Variants in PRR16 observed in about 807,000 individuals in gnomAD.
PRR16 encodes the protein proline rich 16.
A neutral mutation model predicts 18.2 loss-of-function variants in PRR16; 6 were observed. The ratio of observed to expected loss-of-function variants is 0.33; its 90% CI spans 0.18 to 0.65. The LOEUF is 0.65. PRR16 is among the 30% of genes least tolerant of loss of function. The pLI, the probability that PRR16 is intolerant of heterozygous loss-of-function variation, is 0.74. For missense variants in PRR16, 412 were observed against 376.6 expected, an observed-to-expected ratio of 1.09 and a Z score of -0.78; for synonymous variants, 151 against 147.8, an observed-to-expected ratio of 1.02 and a Z score of -0.16.
At chr5:120,752,245 CAAG>C in the PRR16 span, among the ~76,000 whole-genome samples, 1 of 152,018 alleles carries the variant, frequency 6.6e-6, no homozygotes, top group Non-Finnish European at 1.5e-5. Context: ...GACCATTAGA[CAAG>C]AGAAGACCCA....
At chr5:120,685,863 A>C in intron 1 of PRR16, 91 bp from the exon 2 acceptor site, 1 of 1,314,592 alleles carries the variant, frequency 7.6e-7, no homozygotes, top group Non-Finnish European at 1.0e-6. Flanking sequence ...TAAGGCTTCC[A>C]TAGCAGATTT....
chr5:120,702,757 A>G, the PRR16 span, among the ~76,000 whole-genome samples: 3 of 152,112 alleles, frequency 2.0e-5, no homozygotes, highest in Non-Finnish European at 4.4e-5. Context: ...GAAAGGAGAA[A>G]GTAGTGGAGG....
chr5:120,580,158 A>C (rs1226055225), intron 1 of PRR16, among the ~76,000 whole-genome samples: 1 of 152,034 alleles, frequency 6.6e-6, no homozygotes, highest in Non-Finnish European at 1.5e-5. Context: ...TCTAAATATA[A>C]AATCATGTCA....
chr5:120,772,259 T>C, the PRR16 span, among the ~76,000 whole-genome samples: 1 of 152,098 alleles, frequency 6.6e-6, no homozygotes, highest in Non-Finnish European at 1.5e-5. Flanking sequence ...TTTCTTCTCA[T>C]CTGAGAAGCG....
At chr5:120,507,914 C>T (rs1220752812) in intron 1 of PRR16, among the ~76,000 whole-genome samples, 1 of 152,090 alleles carries the variant, frequency 6.6e-6, no homozygotes, top group Non-Finnish European at 1.5e-5. Flanking sequence ...GCATTTATAA[C>T]AAGGGCAGAT....
the PRR16 span, among the ~76,000 whole-genome samples, chr5:120,733,884 G>A: frequency 3.3e-5 from 5 of 152,008 alleles, no homozygotes; most frequent in South Asian, 2.1e-4. Context: ...CAAGTAAAAT[G>A]TTTTTACTAT....
chr5:120,585,236 A>G (rs1753400712), intron 1 of PRR16, among the ~76,000 whole-genome samples: 1 of 152,224 alleles, frequency 6.6e-6, no homozygotes, highest in African/African-American at 2.4e-5. Flanking sequence ...TTGGGCTAAC[A>G]GCACATACAA....
At chr5:120,595,970 A>G (rs938215064) in intron 1 of PRR16, among the ~76,000 whole-genome samples, 5 of 152,048 alleles carry the variant, frequency 3.3e-5, no homozygotes, top group Admixed American at 6.6e-5. Context: ...TGAGGTTTTC[A>G]TAGCAAATCA....
At chr5:120,496,881 C>A (rs73264177) in intron 1 of PRR16, among the ~76,000 whole-genome samples, 1 of 152,088 alleles carries the variant, frequency 6.6e-6, no homozygotes, top group Non-Finnish European at 1.5e-5. Flanking sequence ...CTGTTCTCCA[C>A]ATATAGTGAC....
the PRR16 span, among the ~76,000 whole-genome samples, chr5:120,745,518 G>A: frequency 2.0e-5 from 3 of 151,866 alleles, no homozygotes; most frequent in Non-Finnish European, 4.4e-5. Flanking sequence ...TAGGAATTGC[G>A]TGAAGCATTC....
At chr5:120,594,881 T>C (rs1423150657) in intron 1 of PRR16, among the ~76,000 whole-genome samples, 1 of 151,720 alleles carries the variant, frequency 6.6e-6, no homozygotes, top group East Asian at 1.9e-4. Context: ...CAATAAATGG[T>C]GTTGGGATGA....
chr5:120,672,636 G>A (rs1443970537), intron 1 of PRR16, among the ~76,000 whole-genome samples: 1 of 152,004 alleles, frequency 6.6e-6, no homozygotes, highest in African/African-American at 2.4e-5. Context: ...GGAAGAAAGA[G>A]TGGATTGGAT....
chr5:120,503,795 C>G (rs1580658341), intron 1 of PRR16, among the ~76,000 whole-genome samples: 1 of 148,944 alleles, frequency 6.7e-6, no homozygotes, highest in African/African-American at 2.5e-5. Flanking sequence ...CCCGCTCCCC[C>G]CACCCCACAA....
chr5:120,569,997 AC>A (rs1454829625), intron 1 of PRR16, among the ~76,000 whole-genome samples: 2 of 152,142 alleles, frequency 1.3e-5, no homozygotes, highest in Non-Finnish European at 2.9e-5. Context: ...GCTTATTTGG[AC>A]CATAGTAATC....
the PRR16 span, among the ~76,000 whole-genome samples, chr5:120,782,077 T>A: frequency 5.3e-5 from 8 of 152,202 alleles, no homozygotes; most frequent in Non-Finnish European, 7.3e-5. Flanking sequence ...ACATTGTTCT[T>A]CTGTAGTGAC....
At chr5:120,726,984 C>G in the PRR16 span, among the ~76,000 whole-genome samples, 6,716 of 152,042 alleles carry the variant, frequency 0.044, 520 homozygotes, top group African/African-American at 0.15. Context: ...AATGGATCAG[C>G]TGCTCATCAA....
chr5:120,790,696 A>G, the PRR16 span: 2 of 152,246 alleles, frequency 1.3e-5, no homozygotes. Context: ...AACTTCTAAT[A>G]TTTGCACTGT....
At chr5:120,674,228 C>T (rs75335156) in intron 1 of PRR16, among the ~76,000 whole-genome samples, 8,380 of 152,090 alleles carry the variant, frequency 0.055, 619 homozygotes, top group African/African-American at 0.16. Context: ...CTGCATGCCG[C>T]TGTATATGCT....
chr5:120,764,766 G>C, the PRR16 span, among the ~76,000 whole-genome samples: 1 of 152,048 alleles, frequency 6.6e-6, no homozygotes, highest in Non-Finnish European at 1.5e-5. Flanking sequence ...TCAATTACCT[G>C]TCAAAGGTAT....
Sources: gnomAD v4.1 joint callset for allele counts (sites outside exome capture counted in the v4.1 genomes callset) on GRCh38, gnomAD v4.1.1 for gene constraint, MANE v1.5 for transcripts, NCBI Gene and HGNC (gene_info 2026-07-23, HGNC 2026-07-21) for gene names.